Variants in ITGAV observed in about 807,000 individuals in gnomAD.
ITGAV encodes integrin subunit alpha V, also known as integrin alpha-V.
ITGAV carries 76 observed loss-of-function variants against 143.8 expected under a neutral mutation model. That is an observed-to-expected ratio of 0.53 (90% CI 0.44 to 0.64). ITGAV has a LOEUF of 0.64. Among genes scored for constraint, ITGAV ranks in the 30% least tolerant of loss-of-function variants. ITGAV has a pLI of 0.00. For missense variants in ITGAV, 1,193 were observed against 1,274.7 expected (o/e 0.94, Z 0.98); for synonymous variants, 453 against 446.7 (o/e 1.01, Z -0.18).
chr2:186,655,965 A>G (rs1325017916), intron 16 of ITGAV, among the ~76,000 whole-genome samples: 1 of 152,188 alleles, frequency 6.6e-6, no homozygotes. Flanking sequence ...AAATTAAAAG[A>G]TAGCATTTCT....
rs1458365843 is a variant in ITGAV, at chr2:186,640,972, GT to G, written c.956+8del. 1.9e-6 allele frequency: 3 copies of G among 1,585,830 alleles called. No homozygotes were observed. In the African/African-American group the frequency reaches 4.0e-5, roughly 21 times the overall value. ...CACTGACATTAATGGAGATGAGTAA[GT>G]TTAAAAAAAAATGTTTCCAGAAAGT... On this transcript the variant is annotated splice_donor_region_variant and intron_variant, in intron 11 of 29. Transcript: ENST00000261023.
intron 1 of ITGAV, among the ~76,000 whole-genome samples, chr2:186,596,379 T>C (rs1230864411): frequency 6.6e-6 from 1 of 152,194 alleles, no homozygotes; most frequent in Admixed American, 6.5e-5. Context: ...CATTAGTCAT[T>C]CTTAGATGAA....
At chr2:186,647,532 G>A (rs563223727) in intron 13 of ITGAV, among the ~76,000 whole-genome samples, 17 of 152,038 alleles carry the variant, frequency 1.1e-4, no homozygotes, top group African/African-American at 3.4e-4. Context: ...CACCGCACCC[G>A]GCCTTCATTG....
At chr2:186,643,860 T>G (rs1176494389) in intron 12 of ITGAV, among the ~76,000 whole-genome samples, 1 of 152,168 alleles carries the variant, frequency 6.6e-6, no homozygotes, top group East Asian at 1.9e-4. Context: ...AATGAAACGT[T>G]TAGGAAAGTT....
intron 2 of ITGAV, among the ~76,000 whole-genome samples, chr2:186,621,695 C>T (rs1687528948): frequency 1.3e-5 from 2 of 152,118 alleles, no homozygotes; most frequent in African/African-American, 4.8e-5. Context: ...GGCAAGTAAA[C>T]TTATATTGGT....
At chr2:186,656,435 C>G (rs368454235) in intron 17 of ITGAV, 34 bp downstream of exon 17, 1 of 1,406,840 alleles carries the variant, frequency 7.1e-7, no homozygotes, top group Non-Finnish European at 9.4e-7. Context: ...CTTGTTGTTC[C>G]TTTTTAGTCA....
intron 24 of ITGAV, among the ~76,000 whole-genome samples, chr2:186,668,209 TATATATA>T (rs547732226): frequency 3.1e-3 from 69 of 22,584 alleles, no homozygotes; most frequent in African/African-American, 4.8e-3. Flanking sequence ...TATATATATA[TATATATA>T]TTTTTTTTTT....
At chr2:186,675,140 T>A (rs921536157) in intron 26 of ITGAV, among the ~76,000 whole-genome samples, 2 of 152,214 alleles carry the variant, frequency 1.3e-5, no homozygotes, top group African/African-American at 4.8e-5. Context: ...AAACATTAAA[T>A]GTGTCAGAGG....
chr2:186,590,685 G>A (rs548934813), intron 1 of ITGAV, among the ~76,000 whole-genome samples, 162 bp downstream of exon 1: 1 of 152,020 alleles, frequency 6.6e-6, no homozygotes, highest in African/African-American at 2.4e-5. Flanking sequence ...GGAAATATTT[G>A]GGGAAATGAA....
intron 25 of ITGAV, 146 bp from the exon 26 acceptor site, chr2:186,669,555 T>A (rs1379782751): frequency 1.7e-6 from 1 of 601,214 alleles, no homozygotes; most frequent in Non-Finnish European, 2.9e-6. Context: ...TCCTTACTGC[T>A]CACTATATAC....
chr2:186,634,280 GAC>G (rs1199724290), intron 6 of ITGAV, among the ~76,000 whole-genome samples: 5 of 139,440 alleles, frequency 3.6e-5, no homozygotes, highest in East Asian at 8.4e-4. Context: ...TCAATATATT[GAC>G]ATGTTTAGTT....
At chr2:186,618,614 C>T (rs893626165) in intron 2 of ITGAV, among the ~76,000 whole-genome samples, 11 of 152,230 alleles carry the variant, frequency 7.2e-5, no homozygotes, top group South Asian at 4.2e-4. Flanking sequence ...AGAAAAGTAA[C>T]GTTTGTTAAG....
intron 15 of ITGAV, 48 bp downstream of exon 15, chr2:186,652,137 G>T: frequency 8.7e-7 from 1 of 1,152,760 alleles, no homozygotes; most frequent in Non-Finnish European, 1.3e-6. Flanking sequence ...TATTGTTCAG[G>T]CATTGTAAGA....
intron 8 of ITGAV, 59 bp from the exon 9 acceptor site, chr2:186,638,218 G>A: frequency 1.4e-6 from 2 of 1,473,212 alleles, no homozygotes; most frequent in South Asian, 2.3e-5. Context: ...GTCACTTCTG[G>A]TCTGCAACTT....
chr2:186,660,137 G>T (rs1688704682), intron 18 of ITGAV, among the ~76,000 whole-genome samples: 1 of 151,854 alleles, frequency 6.6e-6, no homozygotes, highest in South Asian at 2.1e-4. Context: ...ATGGGTTATG[G>T]TTATTTTCTG....
At chr2:186,668,386 C>T (rs568890219) in intron 24 of ITGAV, 9 of 220,442 alleles carry the variant, frequency 4.1e-5, no homozygotes, top group South Asian at 1.2e-4. Flanking sequence ...CCACCATGCC[C>T]GGCTAATTTT....
At chr2:186,625,429 T>G in intron 3 of ITGAV, 44 bp from the exon 4 acceptor site, 3 of 1,336,220 alleles carry the variant, frequency 2.2e-6, no homozygotes, top group Non-Finnish European at 3.2e-6. Flanking sequence ...AAACACTAAA[T>G]TTTTAGAAAA....
intron 1 of ITGAV, among the ~76,000 whole-genome samples, chr2:186,593,343 G>A (rs1686665260): frequency 6.6e-6 from 1 of 152,120 alleles, no homozygotes. Flanking sequence ...GAAGGACAAA[G>A]TACTAAGCAA....
intron 26 of ITGAV, among the ~76,000 whole-genome samples, chr2:186,673,992 G>C (rs1275943681): frequency 6.6e-6 from 1 of 151,956 alleles, no homozygotes; most frequent in Non-Finnish European, 1.5e-5. Context: ...TTATTTTGTA[G>C]AGACAGGGTC....
Sources: gnomAD v4.1 joint callset for allele counts (sites outside exome capture counted in the v4.1 genomes callset) on GRCh38, gnomAD v4.1.1 for gene constraint, MANE v1.5 for transcripts, NCBI Gene and HGNC (gene_info 2026-07-23, HGNC 2026-07-21) for gene names.